TOP3B: variants seen among roughly 807,000 people sequenced by gnomAD.
TOP3B encodes DNA topoisomerase III beta.
TOP3B carries 45 observed loss-of-function variants against 93.9 expected under a neutral mutation model. That is an observed-to-expected ratio of 0.48 (90% confidence interval 0.38 to 0.61). TOP3B has a LOEUF of 0.61. TOP3B is among the 20% of genes least tolerant of loss of function. The pLI is 0.00. For missense variants in TOP3B, 750 were observed against 1,156.1 expected (o/e 0.65, Z 5.09); for synonymous variants, 357 against 472.6 (o/e 0.76, Z 3.17).
Position 21,971,592 on chromosome 22 carries a change from C to T in TOP3B, c.384+285G>A. On this transcript the variant is annotated intron_variant, in intron 5 of 17. Transcript: ENST00000357179. This position sits in a 1 kb window ranked among gnomAD's most constrained non-coding sequence, Gnocchi z 4.6. Reference sequence around the variant, plus strand: ...GAACACCAAGCTGCCCCAAGACAATCCCATTCTGAAACCTGCATCCACCCA... The same window carrying T: ...GAACACCAAGCTGCCCCAAGACAATTCCATTCTGAAACCTGCATCCACCCA... 1 of 469,524 alleles carries T rather than the reference C, an allele frequency of 2.1e-6. No homozygotes were observed. The highest frequency in any genetic ancestry group is 4.0e-6 in the Non-Finnish European group (1 of 252,798). 29.1% of individuals were successfully genotyped at this position (469,524 alleles called of 1,614,324 possible). A position where few individuals can be genotyped will look rare whatever the true frequency, so the allele number is the denominator to read the frequency against.
chr22:21,959,936 T>TG, intron 14 of TOP3B, 200 bp from the exon 15 acceptor site: 2 of 723,504 alleles, frequency 2.8e-6, no homozygotes, highest in Non-Finnish European at 4.4e-6. Flanking sequence ...ATTTCCCACC[T>TG]GGAAATGTCA....
chr22:21,958,432 G>C (rs746678409), intron 17 of TOP3B, 60 bp downstream of exon 17: 2 of 1,610,828 alleles, frequency 1.2e-6, no homozygotes, highest in South Asian at 2.2e-5. Context: ...TGCAAGGCAG[G>C]GGTTGGCACT....
rs1280316672 is a variant in TOP3B at position 21,975,575 on chromosome 22, A to G, written c.70+65T>C. ...CCAGCCAGGGTGGAATCACATTAGG[A>G]AAAAATGTCCTGTAACACATAAACG... On this transcript the variant is annotated intron_variant, in intron 2 of 17. Coordinates refer to ENST00000357179, the MANE Select transcript of TOP3B (RefSeq NM_001282112.2). 3 of 1,514,448 alleles carry G rather than the reference A, an allele frequency of 2.0e-6. No individual in the cohort carries two copies. The East Asian group carries it at 7.1e-5, about 36-fold the overall frequency. 93.8% of individuals were successfully genotyped at this position (1,514,448 alleles called of 1,614,324 possible).
chr22:21,960,165 T>C, intron 14 of TOP3B, 156 bp downstream of exon 14: 1 of 1,181,254 alleles, frequency 8.5e-7, no homozygotes, highest in Non-Finnish European at 1.2e-6. Context: ...CTGGGGGTCC[T>C]GGGGCAGCAC....
At chr22:21,968,566 A>G (rs1267147544) in intron 7 of TOP3B, 53 bp downstream of exon 7, 15 of 1,604,446 alleles carry the variant, frequency 9.3e-6, no homozygotes, top group Non-Finnish European at 1.3e-5. Context: ...GACTCTCAGA[A>G]TCCATGCCCC....
At chr22:21,977,285 T>C (rs1301044030) in intron 1 of TOP3B, 1 of 151,974 alleles carries the variant, frequency 6.6e-6, no homozygotes, top group Non-Finnish European at 1.5e-5. Context: ...TCCCAGCACT[T>C]TGGGAGGCTG....
chr22:21,969,563 T>C (rs2071548337), intron 6 of TOP3B: 1 of 152,150 alleles, frequency 6.6e-6, no homozygotes, highest in Admixed American at 6.5e-5. Context: ...ATTGTGCCAC[T>C]GCACTCCAGC....
chr22:21,971,286 A>G lies in TOP3B; in HGVS notation c.384+591T>C. On this transcript the variant is annotated intron_variant, in intron 5 of 17. Coordinates refer to ENST00000357179, the MANE Select transcript of TOP3B (RefSeq NM_001282112.2). This position sits in a 1 kb window ranked among gnomAD's most constrained non-coding sequence, Gnocchi z 4.6. ...CTGGGGGTACAGGAGCACGGGGGCG[A>G]CCCATAGAACAACAGTCTGAAGGGC... The G allele has an allele frequency of 4.0e-6, 1 of 249,332 alleles. No individual in the cohort carries two copies. The highest frequency in any genetic ancestry group is 7.6e-6 in the Non-Finnish European group (1 of 131,976). 15.4% of individuals were successfully genotyped at this position (249,332 alleles called of 1,614,324 possible).
chr22:21,972,063 G>C lies in TOP3B; in HGVS notation c.310-112C>G, dbSNP rs1440750756. 3.5e-6 allele frequency: 3 copies of C among 845,392 alleles called. No individual in the cohort carries two copies. In the African/African-American group the frequency reaches 5.1e-5, roughly 14 times the overall value. 52.4% of individuals were successfully genotyped at this position (845,392 alleles called of 1,614,324 possible). On this transcript the variant is annotated intron_variant, in intron 4 of 17. Transcript: ENST00000357179. Reference sequence around the variant, plus strand: ...GGTCCCAGGCCCTGAACCTCAGTTAGGAGGACTGGTACCTGGGCTGGGTAA... The same window carrying C: ...GGTCCCAGGCCCTGAACCTCAGTTACGAGGACTGGTACCTGGGCTGGGTAA...
At chr22:21,969,001 T>C in intron 6 of TOP3B, 1 of 539,162 alleles carries the variant, frequency 1.9e-6, no homozygotes, top group East Asian at 3.1e-5. Flanking sequence ...GTTTCTACTG[T>C]CTCAGGCCAG....
intron 15 of TOP3B, 41 bp downstream of exon 15, chr22:21,959,546 G>A (rs1466370033): frequency 1.9e-6 from 3 of 1,565,166 alleles, no homozygotes; most frequent in Non-Finnish European, 2.6e-6. Context: ...CTGACAGAGA[G>A]ACACCCCTCT....
chr22:21,969,487 G>C (rs2071546627), intron 6 of TOP3B: 1 of 152,198 alleles, frequency 6.6e-6, no homozygotes, highest in African/African-American at 2.4e-5. Flanking sequence ...TGTAATCCCA[G>C]CTAGTTGGGA....
At chr22:21,976,614 A>T (rs1257985738) in intron 1 of TOP3B, 1 of 152,186 alleles carries the variant, frequency 6.6e-6, no homozygotes, top group Non-Finnish European at 1.5e-5. Context: ...CTCTTGGGCT[A>T]GGTCTCCATT....
At chr22:21,959,819 C>T in intron 14 of TOP3B, 83 bp from the exon 15 acceptor site, 1 of 1,542,390 alleles carries the variant, frequency 6.5e-7, no homozygotes, top group Non-Finnish European at 8.7e-7. Context: ...GGATACTGCC[C>T]TGTTCACCCC....
chr22:21,978,127 G>A (rs543311086), intron 1 of TOP3B, among the ~76,000 whole-genome samples: 24 of 152,088 alleles, frequency 1.6e-4, no homozygotes, highest in Non-Finnish European at 2.9e-4. Context: ...GACTTCAAGT[G>A]TTAAAGGGAC....
At chr22:21,968,170 C>G (rs1313604784) in intron 7 of TOP3B, 9 of 227,168 alleles carry the variant, frequency 4.0e-5, no homozygotes, top group Non-Finnish European at 7.0e-5. Context: ...TCAAGCAATC[C>G]TCTTGCCTCA....
At chr22:21,972,560 T>A in intron 4 of TOP3B, 52 bp downstream of exon 4, 1 of 1,365,020 alleles carries the variant, frequency 7.3e-7, no homozygotes, top group Non-Finnish European at 1.0e-6. Flanking sequence ...ACATGGCAGC[T>A]GTGGAGGGTG....
At chr22:21,982,252 A>T (rs981846310) in intron 1 of TOP3B, 2 of 152,202 alleles carry the variant, frequency 1.3e-5, no homozygotes, top group African/African-American at 4.8e-5. Context: ...ATTTGTTCAC[A>T]AAAGTACCCT....
intron 1 of TOP3B, among the ~76,000 whole-genome samples, chr22:21,980,913 A>C (rs2084616913): frequency 6.6e-6 from 1 of 152,250 alleles, no homozygotes; most frequent in South Asian, 2.1e-4. Flanking sequence ...ATGAATGAAC[A>C]ACCAAGGTGA....
Sources: gnomAD v4.1 joint callset for allele counts (sites outside exome capture counted in the v4.1 genomes callset) on GRCh38, gnomAD v4.1.1 for gene constraint, Gnocchi (gnomAD v3.1) non-coding constraint, MANE v1.5 for transcripts, NCBI Gene and HGNC (gene_info 2026-07-23, HGNC 2026-07-21) for gene names.